NBAS: variants seen among roughly 807,000 people sequenced by gnomAD.
NBAS encodes the protein NAG/BC035112 fusion.
NBAS carries 219 observed loss-of-function variants against 302.5 expected under a neutral mutation model. The ratio of observed to expected loss-of-function variants is 0.72; its 90% confidence interval spans 0.65 to 0.81. The LOEUF (loss-of-function observed/expected upper bound fraction) is 0.81, where lower values mean the gene tolerates loss of function less well. Ranked by LOEUF, NBAS falls within the 30% of genes least tolerant of loss-of-function variation. The probability of loss-of-function intolerance (pLI) is 0.00; values close to 1 mark genes in which losing one functional copy is unlikely to be tolerated. For missense variants in NBAS, 2,932 were observed against 2,841.6 expected (o/e 1.03, Z -0.72); for synonymous variants, 1,118 against 1,021.6 (o/e 1.09, Z -1.80).
At chr2:15,558,040 C>T (rs1480807948) in intron 2 of NBAS, among the ~76,000 whole-genome samples, 12 of 152,224 alleles carry the variant, frequency 7.9e-5, no homozygotes, top group Admixed American at 7.8e-4. Flanking sequence ...TTCTGAGACT[C>T]ATACTGGCTT....
intron 48 of NBAS, among the ~76,000 whole-genome samples, chr2:15,199,275 C>CA (rs1365271062): frequency 6.6e-6 from 1 of 152,052 alleles, no homozygotes; most frequent in Non-Finnish European, 1.5e-5. Flanking sequence ...AAATGGGTCT[C>CA]AGAGGCTTAC....
At chr2:14,877,069 G>A in the NBAS span, among the ~76,000 whole-genome samples, 1 of 152,176 alleles carries the variant, frequency 6.6e-6, no homozygotes, top group Non-Finnish European at 1.5e-5. Context: ...CTCTCCTGTG[G>A]AATGTGGTTA....
chr2:15,191,900 C>G (rs961929745), intron 48 of NBAS, among the ~76,000 whole-genome samples: 5 of 152,150 alleles, frequency 3.3e-5, no homozygotes, highest in African/African-American at 1.2e-4. Context: ...CTTTGAGGTC[C>G]CTTGCATACG....
chr2:14,851,442 T>A, the NBAS span, among the ~76,000 whole-genome samples: 4 of 150,932 alleles, frequency 2.7e-5, no homozygotes, highest in African/African-American at 9.8e-5. Flanking sequence ...TAATCAATAG[T>A]TTACCAACCA....
At chr2:14,963,697 C>T in the NBAS span, among the ~76,000 whole-genome samples, 1 of 152,222 alleles carries the variant, frequency 6.6e-6, no homozygotes, top group Non-Finnish European at 1.5e-5. Context: ...GTCACAACTC[C>T]TTGCTAAGGG....
At chr2:14,905,456 T>C in the NBAS span, among the ~76,000 whole-genome samples, 2 of 152,130 alleles carry the variant, frequency 1.3e-5, no homozygotes, top group African/African-American at 4.8e-5. Flanking sequence ...TGTGCCCAGC[T>C]GTCCCGCTCG....
In NBAS at chr2:15,379,673, C is replaced by T. The variant is rs912044567; in HGVS notation, c.3519G>A (p.Leu1173=). Residue 1173 remains leucine, a synonymous_variant, in exon 30 of 52, where the codon TTG becomes TTA. Transcript: ENST00000281513. ...YRVSYEKSID[L]VLAASREYFN... is the part of the protein sequence containing the mutation. ...AGTACTCTCTGCTGGCAGCCAAAAC[C>T]AAGTCAATACTCTTTTCGTAGCTGA... The T allele has an allele frequency of 6.2e-7, 1 of 1,613,956 alleles. No individual in the cohort carries two copies. The highest frequency in any genetic ancestry group is 8.5e-7 in the Non-Finnish European group (1 of 1,179,968).
the NBAS span, among the ~76,000 whole-genome samples, chr2:14,904,485 C>T: frequency 1.0e-3 from 152 of 152,302 alleles, 1 homozygote; most frequent in Non-Finnish European, 1.8e-3. Flanking sequence ...AGCAAGTCGG[C>T]TTATCCCACC....
chr2:15,480,157 T>C (rs1449083760), intron 12 of NBAS, among the ~76,000 whole-genome samples: 1 of 151,946 alleles, frequency 6.6e-6, no homozygotes, highest in African/African-American at 2.4e-5. Context: ...CTGGGTGATA[T>C]AGCAAGACCT....
chr2:15,453,680 C>T lies in NBAS; in HGVS notation c.2339+7521G>A, dbSNP rs77764917. Among the ~76,000 whole-genome samples the T allele has an allele frequency of 7.7e-3, 1,165 of 152,268 alleles. 19 individuals carry two copies. The highest frequency in any genetic ancestry group is 0.06 in the East Asian group (309 of 5,190). ...CAGTCCATCTGCATGTTACAGCAAG[C>T]TTTTCACAGTCAAACTTTGAATCAT... On this transcript the variant is annotated intron_variant, in intron 21 of 51. Coordinates refer to ENST00000281513, the MANE Select transcript of NBAS (RefSeq NM_015909.4).
At chr2:15,046,789 T>A in the NBAS span, among the ~76,000 whole-genome samples, 4 of 152,190 alleles carry the variant, frequency 2.6e-5, no homozygotes, top group Non-Finnish European at 5.9e-5. Context: ...AATTAATGAC[T>A]AACTCTAAGA....
chr2:14,779,819 G>A, the NBAS span, among the ~76,000 whole-genome samples: 4 of 152,184 alleles, frequency 2.6e-5, no homozygotes, highest in Non-Finnish European at 5.9e-5. Flanking sequence ...CCCAGTGTCT[G>A]CAAGAGTTTA....
At chr2:15,430,797 G>A (rs1392884527) in intron 21 of NBAS, among the ~76,000 whole-genome samples, 1 of 151,908 alleles carries the variant, frequency 6.6e-6, no homozygotes, top group Non-Finnish European at 1.5e-5. Flanking sequence ...TACACAGCAG[G>A]TAGAGGGCAA....
chr2:15,240,157 AT>A (rs1384439125), intron 44 of NBAS, among the ~76,000 whole-genome samples: 1 of 151,616 alleles, frequency 6.6e-6, no homozygotes, highest in African/African-American at 2.4e-5. Context: ...ACAGACTCTC[AT>A]TTTTTTTCTA....
chr2:14,979,369 C>T, the NBAS span, among the ~76,000 whole-genome samples: 1 of 152,128 alleles, frequency 6.6e-6, no homozygotes, highest in East Asian at 1.9e-4. Context: ...TAGAAATGTT[C>T]TATTTATCAG....
At chr2:14,871,791 CTCAAT>C in the NBAS span, among the ~76,000 whole-genome samples, 3 of 151,826 alleles carry the variant, frequency 2.0e-5, no homozygotes, top group Admixed American at 6.6e-5. Context: ...TTTAAAAATG[CTCAAT>C]TCAAAAGACA....
At chr2:15,205,594 G>A (rs1230346192) in intron 48 of NBAS, among the ~76,000 whole-genome samples, 1 of 152,142 alleles carries the variant, frequency 6.6e-6, no homozygotes, top group Non-Finnish European at 1.5e-5. Context: ...ATGGAAACCA[G>A]GAAAGAGCAG....
chr2:15,100,784 A>G, the NBAS span, among the ~76,000 whole-genome samples: 1 of 152,234 alleles, frequency 6.6e-6, no homozygotes, highest in Non-Finnish European at 1.5e-5. Flanking sequence ...GCATTTTTAA[A>G]AAACATTTCC....
the NBAS span, among the ~76,000 whole-genome samples, chr2:14,875,789 T>C: frequency 6.6e-6 from 1 of 152,124 alleles, no homozygotes; most frequent in Non-Finnish European, 1.5e-5. Flanking sequence ...TATAGAACAA[T>C]CATAAAATTA....
Sources: allele counts gnomAD v4.1 joint callset (sites outside exome capture counted in the v4.1 genomes callset), GRCh38; gene constraint gnomAD v4.1.1; transcripts MANE v1.5; gene names NCBI Gene and HGNC (gene_info 2026-07-23, HGNC 2026-07-21).